The following ZNF250 variants were observed in gnomAD, a reference collection of about 807,000 sequenced individuals.
ZNF250 encodes the protein zinc finger protein 250, also known as zinc finger protein (clone 647).
In ZNF250, 13 loss-of-function variants were observed where a neutral mutation model predicts 37.1. That is an observed-to-expected ratio of 0.35 (90% CI 0.23 to 0.56). The LOEUF is 0.56. Ranked by LOEUF, ZNF250 falls within the 20% of genes least tolerant of loss-of-function variation. The pLI, the probability that ZNF250 is intolerant of heterozygous loss-of-function variation, is 0.87. For missense variants in ZNF250, 474 were observed against 697.9 expected (o/e 0.68, Z 3.61); for synonymous variants, 251 against 265.6 (o/e 0.94, Z 0.54).
intron 1 of ZNF250, among the ~76,000 whole-genome samples, chr8:144,895,546 G>T (rs1281895159): frequency 1.3e-5 from 2 of 152,086 alleles, no homozygotes. Context: ...TTATCTATTT[G>T]ATTAACACAC....
chr8:144,902,081 G>A (rs983941038), upstream of ZNF250: 3 of 152,364 alleles, frequency 2.0e-5, no homozygotes, highest in Non-Finnish European at 4.4e-5. Flanking sequence ...GAGGTCCGAG[G>A]CGCAGCCGCT....
At chr8:144,899,372 A>C (rs887344415) in intron 1 of ZNF250, among the ~76,000 whole-genome samples, 13 of 152,220 alleles carry the variant, frequency 8.5e-5, no homozygotes, top group Admixed American at 4.6e-4. Flanking sequence ...CAAAACAACC[A>C]GAAGAAGAGA....
intron 1 of ZNF250, among the ~76,000 whole-genome samples, chr8:144,895,977 C>G (rs1480646483): frequency 6.8e-6 from 1 of 146,272 alleles, no homozygotes; most frequent in Non-Finnish European, 1.5e-5. Context: ...CCACTGCACT[C>G]CAGCCTGCAT....
In ZNF250 at chr8:144,882,635, GGAGT is replaced by G. The variant is rs1831573462; in HGVS notation, c.544_547del (p.Thr182ArgfsTer79). 6 of 1,613,934 alleles carry G rather than the reference GGAGT, an allele frequency of 3.7e-6. No individual in the cohort carries two copies. Among genetic ancestry groups the G allele is most frequent in the Non-Finnish European group, 5.1e-6 (6 of 1,179,878 alleles). ...CTCTCCACTAGGCACTGCCTGGTGC[GGAGT>G]GAGTGGCATGCTTTGGCTTAAGACC... On this transcript the variant is annotated frameshift_variant, in exon 6 of 6. Transcript: ENST00000417550. LOFTEE classifies it low-confidence loss of function (END_TRUNC). This position sits in a 1 kb window ranked among gnomAD's most constrained non-coding sequence, Gnocchi z 5.5.
intron 1 of ZNF250, among the ~76,000 whole-genome samples, chr8:144,894,697 G>A (rs1191007996): frequency 1.3e-5 from 2 of 151,364 alleles, no homozygotes; most frequent in Non-Finnish European, 2.9e-5. Context: ...TCACTTTGTA[G>A]TCCAGGCTGG....
At position 144,881,485 on chromosome 8, in the gene ZNF250, G is replaced by T; in HGVS notation, c.*30C>A. ...GCTTGTGGTTCCACATGCAGTTTCT[G>T]TGAGAATGGATTCTTGTGTCAGCCA... is the stretch of plus-strand genomic sequence containing the variant. On this transcript the variant is annotated 3_prime_UTR_variant, in exon 6 of 6. Coordinates refer to ENST00000417550, the MANE Select transcript of ZNF250 (RefSeq NM_001109689.4). 6.5e-7 allele frequency: 1 copy of T among 1,549,560 alleles called. No homozygotes were observed. The highest frequency in any genetic ancestry group is 8.7e-7 in the Non-Finnish European group (1 of 1,145,204).
intron 1 of ZNF250, among the ~76,000 whole-genome samples, chr8:144,898,228 T>C (rs1187324806): frequency 6.6e-6 from 1 of 151,660 alleles, no homozygotes; most frequent in Non-Finnish European, 1.5e-5. Context: ...ACCTGGGAGG[T>C]GGAGTTTGCA....
intron 4 of ZNF250, among the ~76,000 whole-genome samples, chr8:144,887,968 A>C (rs935052646): frequency 6.6e-6 from 1 of 152,236 alleles, no homozygotes. Flanking sequence ...AAACCACCAC[A>C]TCTGAAATGC....
chr8:144,879,109 C>T lies in ZNF250; in HGVS notation c.*2406G>A, dbSNP rs1016306511. ...TAGTTATTTTATCTATCTGAAACAA[C>T]ACCTCACAGAATGGCAACACCTCTA... On this transcript the variant is annotated 3_prime_UTR_variant, in exon 6 of 6. Transcript: ENST00000417550. The T allele has an allele frequency of 2.6e-5, 4 of 152,252 alleles. No homozygotes were observed. The highest frequency in any genetic ancestry group is 9.6e-5 in the African/African-American group (4 of 41,470). The allele number at this position is 152,252 out of a possible 1,614,324, so 9.4% of individuals were successfully genotyped here.
chr8:144,883,149 G>A (rs994218318), intron 5 of ZNF250, among the ~76,000 whole-genome samples: 1 of 152,176 alleles, frequency 6.6e-6, no homozygotes, highest in Admixed American at 6.5e-5. Context: ...CCCTCCCAGG[G>A]GTCCTCATGT....
At position 144,890,073 on chromosome 8, in the gene ZNF250, G is replaced by A. The variant is rs1186579915; in HGVS notation, c.43-14C>T. The A allele has an allele frequency of 1.2e-6, 2 of 1,609,400 alleles. No individual in the cohort carries two copies. The highest frequency in any genetic ancestry group is 1.7e-5 in the Admixed American group (1 of 59,082). ...GGTCAGCTTGGCCTGGAACGACAGG[G>A]GCTGCTGCAGGTAAAACCAAATCCT... On this transcript the variant is annotated splice_polypyrimidine_tract_variant and intron_variant, in intron 2 of 5. Coordinates refer to ENST00000417550, the MANE Select transcript of ZNF250 (RefSeq NM_001109689.4). The surrounding 1 kb of genome is among the most constrained non-coding windows in gnomAD (Gnocchi z 5.1).
In ZNF250 at chr8:144,890,120, G is replaced by A. The variant is rs1417523074; in HGVS notation, c.43-61C>T. On this transcript the variant is annotated intron_variant, in intron 2 of 5. Transcript: ENST00000417550. This position sits in a 1 kb window ranked among gnomAD's most constrained non-coding sequence, Gnocchi z 5.1. ...TCCTGATGTCTGTGATGGGGAGTGG[G>A]TGCATGTGACATGTGACATGAGCAG... is the stretch of plus-strand genomic sequence containing the variant. The A allele has an allele frequency of 1.3e-6, 2 of 1,586,196 alleles. No homozygotes were observed. The highest frequency in any genetic ancestry group is 1.7e-4 in the Middle Eastern group (1 of 6,056).
chr8:144,898,070 G>A (rs955653958), intron 1 of ZNF250, among the ~76,000 whole-genome samples: 7 of 152,118 alleles, frequency 4.6e-5, no homozygotes, highest in South Asian at 2.1e-4. Context: ...TTTTGGGGGG[G>A]CCTGATCCCA....
intron 1 of ZNF250, among the ~76,000 whole-genome samples, chr8:144,900,732 G>C (rs189775996): frequency 5.5e-4 from 84 of 152,336 alleles, no homozygotes; most frequent in Admixed American, 2.2e-3. Flanking sequence ...ACCAACTGCT[G>C]AAACGAAAGC....
intron 4 of ZNF250, 126 bp downstream of exon 4, chr8:144,889,445 TGCCAGATAAG>T: frequency 1.6e-6 from 1 of 643,740 alleles, no homozygotes; most frequent in Admixed American, 3.1e-5. Flanking sequence ...TAGACTCCTT[TGCCAGATAAG>T]GCCAGATAAG....
At chr8:144,893,243 C>G (rs1832476336) in intron 1 of ZNF250, among the ~76,000 whole-genome samples, 1 of 152,184 alleles carries the variant, frequency 6.6e-6, no homozygotes, top group Admixed American at 6.5e-5. Flanking sequence ...GTCCCCCTGT[C>G]TGACATCTGC....
rs1831411340 is a variant in ZNF250 at position 144,880,714 on chromosome 8, A to C, written c.*801T>G. On this transcript the variant is annotated 3_prime_UTR_variant, in exon 6 of 6. Transcript: ENST00000417550. ...CTCCGTCTCTACTAAAAATACAAAAATTAGCCAGGTGTGGTGGCGCATATC... is the reference window on the plus strand; with the variant it reads ...CTCCGTCTCTACTAAAAATACAAAACTTAGCCAGGTGTGGTGGCGCATATC... The C allele has an allele frequency of 3.1e-6, 1 of 325,696 alleles. No individual in the cohort carries two copies. Among genetic ancestry groups the C allele is most frequent in the Non-Finnish European group, 6.2e-6 (1 of 161,398 alleles). 20.2% of individuals were successfully genotyped at this position (325,696 alleles called of 1,614,324 possible). A position where few individuals can be genotyped will look rare whatever the true frequency, so the allele number is the denominator to read the frequency against.
At chr8:144,896,008 C>CAAAAAA (rs1183288137) in intron 1 of ZNF250, among the ~76,000 whole-genome samples, 28 of 64,910 alleles carry the variant, frequency 4.3e-4, no homozygotes, top group African/African-American at 1.4e-3. Context: ...GACTCTGTCT[C>CAAAAAA]AAAAAAAAAA....
In ZNF250 at chr8:144,882,851, C is replaced by A; in HGVS notation, c.347-15G>T. The stretch of plus-strand genomic sequence containing the variant: ...GGTTTCACATTCTGAAAGAACAAAT[C>A]CAAAATGAAAATGTTAACACTACTC... On this transcript the variant is annotated splice_polypyrimidine_tract_variant and intron_variant, in intron 5 of 5. Transcript: ENST00000417550. This position sits in a 1 kb window ranked among gnomAD's most constrained non-coding sequence, Gnocchi z 5.5. 1 of 1,591,070 alleles carries A rather than the reference C, an allele frequency of 6.3e-7. No homozygotes were observed. Among genetic ancestry groups the A allele is most frequent in the Non-Finnish European group, 8.6e-7 (1 of 1,169,188 alleles).
Sources: allele counts gnomAD v4.1 joint callset (sites outside exome capture counted in the v4.1 genomes callset), GRCh38; gene constraint gnomAD v4.1.1; non-coding constraint Gnocchi (gnomAD v3.1); transcripts MANE v1.5; gene names NCBI Gene and HGNC (gene_info 2026-07-23, HGNC 2026-07-21).